The following XNDC1N variants were observed in gnomAD, a reference collection of about 807,000 sequenced individuals.
XNDC1N encodes XRCC1 N-terminal domain containing 1, N-terminal like.
chr11:71,923,161 G>A, the XNDC1N span: 2 of 654,052 alleles, frequency 3.1e-6, no homozygotes, highest in Non-Finnish European at 5.4e-6. Flanking sequence ...AACAACCTGA[G>A]GGCAAGAGCT....
chr11:71,914,412 C>T, the XNDC1N span: 1 of 455,578 alleles, frequency 2.2e-6, no homozygotes, highest in Non-Finnish European at 4.4e-6. Context: ...CTTGGCCAGG[C>T]ATGGTGGCTC....
the XNDC1N span, among the ~76,000 whole-genome samples, chr11:71,901,750 C>T: frequency 6.6e-6 from 1 of 152,024 alleles, no homozygotes; most frequent in Non-Finnish European, 1.5e-5. Flanking sequence ...GTGAGATATC[C>T]ATCCTCTGAG....
chr11:71,918,343 A>G, the XNDC1N span, among the ~76,000 whole-genome samples: 1 of 151,952 alleles, frequency 6.6e-6, no homozygotes, highest in Non-Finnish European at 1.5e-5. Context: ...GTGCAGTGGC[A>G]TTATCACAGC....
At chr11:71,911,985 G>A in the XNDC1N span, among the ~76,000 whole-genome samples, 289 of 152,298 alleles carry the variant, frequency 1.9e-3, 1 homozygote, top group African/African-American at 6.7e-3. Flanking sequence ...GGATGGATTC[G>A]GTTAGCAGAT....
At chr11:71,918,118 G>A in the XNDC1N span, among the ~76,000 whole-genome samples, 2 of 152,162 alleles carry the variant, frequency 1.3e-5, no homozygotes, top group Admixed American at 6.6e-5. Flanking sequence ...CGACAAAACT[G>A]AGACCAGTGG....
chr11:71,871,942 A>T, the XNDC1N span, among the ~76,000 whole-genome samples: 1 of 152,238 alleles, frequency 6.6e-6, no homozygotes, highest in African/African-American at 2.4e-5. Context: ...CGCTTTGGAA[A>T]ATAGTTTGGC....
At chr11:71,878,583 C>A in the XNDC1N span, 1 of 1,515,520 alleles carries the variant, frequency 6.6e-7, no homozygotes. Flanking sequence ...TTTCAAGAGT[C>A]TGAAAATAAA....
At chr11:71,885,070 T>C in the XNDC1N span, among the ~76,000 whole-genome samples, 1 of 152,180 alleles carries the variant, frequency 6.6e-6, no homozygotes, top group East Asian at 1.9e-4. Context: ...GCTCTGGAGA[T>C]TATGAACTGT....
chr11:71,893,486 G>C, the XNDC1N span: 1 of 749,402 alleles, frequency 1.3e-6, no homozygotes, highest in Admixed American at 1.9e-5. Flanking sequence ...AATCTCACAA[G>C]TGTCTGAGAA....
At chr11:71,926,293 T>C in the XNDC1N span, among the ~76,000 whole-genome samples, 1 of 152,072 alleles carries the variant, frequency 6.6e-6, no homozygotes, top group South Asian at 2.1e-4. Flanking sequence ...CATAAATAAA[T>C]AAACACTCTT....
At chr11:71,872,235 G>T in the XNDC1N span, among the ~76,000 whole-genome samples, 1 of 152,164 alleles carries the variant, frequency 6.6e-6, no homozygotes, top group Non-Finnish European at 1.5e-5. Flanking sequence ...GCTTTTGTCT[G>T]CAACCTCAAC....
the XNDC1N span, among the ~76,000 whole-genome samples, chr11:71,911,337 G>C: frequency 8.5e-5 from 13 of 152,204 alleles, no homozygotes; most frequent in Admixed American, 8.5e-4. Context: ...CTTGCTCCTG[G>C]TATCAGAGCC....
the XNDC1N span, among the ~76,000 whole-genome samples, chr11:71,891,483 G>A: frequency 6.6e-6 from 1 of 151,968 alleles, no homozygotes; most frequent in East Asian, 1.9e-4. Context: ...AAACCTGGAT[G>A]TTAGCAACCA....
At chr11:71,894,087 T>C in the XNDC1N span, 1 of 492,184 alleles carries the variant, frequency 2.0e-6, no homozygotes, top group Non-Finnish European at 3.6e-6. Context: ...ATACTATGTT[T>C]GGTTTTCTTC....
At chr11:71,899,689 G>C in the XNDC1N span, among the ~76,000 whole-genome samples, 1 of 152,216 alleles carries the variant, frequency 6.6e-6, no homozygotes, top group African/African-American at 2.4e-5. Flanking sequence ...GAAAGCCGCA[G>C]GGAGCCCTGC....
the XNDC1N span, among the ~76,000 whole-genome samples, chr11:71,885,671 G>A: frequency 1.3e-5 from 2 of 152,044 alleles, no homozygotes; most frequent in Admixed American, 6.6e-5. Context: ...AGGTATTAGG[G>A]AGTAATATTA....
the XNDC1N span, among the ~76,000 whole-genome samples, chr11:71,888,095 C>T: frequency 6.7e-6 from 1 of 148,736 alleles, no homozygotes. Flanking sequence ...TGATGACCTT[C>T]TGCTGGGACA....
the XNDC1N span, among the ~76,000 whole-genome samples, chr11:71,877,282 CA>C: frequency 0.091 from 13,794 of 152,184 alleles, 1,100 homozygotes; most frequent in African/African-American, 0.19. Context: ...GTAGTGAAAC[CA>C]TCTAGAAAGG....
At chr11:71,907,780 G>C in the XNDC1N span, among the ~76,000 whole-genome samples, 2 of 152,054 alleles carry the variant, frequency 1.3e-5, no homozygotes, top group African/African-American at 4.8e-5. Context: ...AGGATCATGG[G>C]AACGATATCC....
Sources: allele counts gnomAD v4.1 joint callset (sites outside exome capture counted in the v4.1 genomes callset), GRCh38; gene constraint gnomAD v4.1.1; transcripts MANE v1.5; gene names NCBI Gene and HGNC (gene_info 2026-07-23, HGNC 2026-07-21).